The following ZBBX variants were observed in gnomAD, a reference collection of about 807,000 sequenced individuals.
The protein encoded by ZBBX is zinc finger B-box domain containing.
A neutral mutation model predicts 108.5 loss-of-function variants in ZBBX; 101 were observed. The ratio of observed to expected loss-of-function variants is 0.93; its 90% CI spans 0.79 to 1.10. The LOEUF (loss-of-function observed/expected upper bound fraction) is 1.10, where lower values mean the gene tolerates loss of function less well. Among genes scored for constraint, ZBBX ranks in the 50% least tolerant of loss-of-function variants. The pLI is 0.00. For synonymous variants in ZBBX, 356 were observed against 323.4 expected (o/e 1.10, Z -1.08); for missense variants, 1,009 against 941.4 (o/e 1.07, Z -0.94).
chr3:167,405,843 G>T (rs893147778), intron 1 of ZBBX, among the ~76,000 whole-genome samples: 8 of 152,146 alleles, frequency 5.3e-5, no homozygotes, highest in Admixed American at 2.0e-4. Context: ...AGGCTGAGGG[G>T]TGGATCACTT....
chr3:167,295,760 A>T (rs5010280), intron 18 of ZBBX, among the ~76,000 whole-genome samples: 2,943 of 6,034 alleles, frequency 0.49, 422 homozygotes, highest in Middle Eastern at 0.62. Context: ...TATATATATA[A>T]AAAAAACTAG....
chr3:167,205,289 G>A, the ZBBX span, among the ~76,000 whole-genome samples: 38 of 152,148 alleles, frequency 2.5e-4, no homozygotes, highest in African/African-American at 9.1e-4. Flanking sequence ...GAGGAGGAAG[G>A]AGGAATTACT....
Position 167,314,005 on chromosome 3 carries a change from G to A in ZBBX, c.1386C>T (p.Asn462=), listed in dbSNP as rs1735026350. Residue 462 remains asparagine (N), a synonymous_variant, in exon 16 of 22, where the codon AAC becomes AAT. Transcript: ENST00000675490. ...AATTATCTTTATAATAAGTAGAGCT[G>A]TTTCTCAGACAAAGATTTAAGAAGT... is the stretch of plus-strand genomic sequence containing the variant. ...KRDFLNLCLR[N]SSTYYKDNSK... 6.2e-7 allele frequency: 1 copy of A among 1,603,234 alleles called. No homozygotes were observed. Among genetic ancestry groups the A allele is most frequent in the South Asian group, 1.1e-5 (1 of 88,590 alleles).
At chr3:167,233,932 C>G in the ZBBX span, among the ~76,000 whole-genome samples, 2 of 151,672 alleles carry the variant, frequency 1.3e-5, no homozygotes, top group African/African-American at 4.8e-5. Context: ...AGATCTCAAA[C>G]TGTTATGGTA....
chr3:167,307,649 A>G (rs186555652), intron 16 of ZBBX, among the ~76,000 whole-genome samples: 1 of 152,266 alleles, frequency 6.6e-6, no homozygotes, highest in African/African-American at 2.4e-5. Flanking sequence ...GAAAACCCAG[A>G]AAATAGACCA....
chr3:167,397,824 T>C (rs544615747), intron 1 of ZBBX, among the ~76,000 whole-genome samples: 4 of 150,806 alleles, frequency 2.7e-5, no homozygotes, highest in African/African-American at 7.3e-5. Context: ...AAAACTCATA[T>C]GATTTTCAAA....
At chr3:167,407,718 G>A (rs1201714664) in intron 1 of ZBBX, among the ~76,000 whole-genome samples, 1 of 152,124 alleles carries the variant, frequency 6.6e-6, no homozygotes, top group East Asian at 1.9e-4. Context: ...CTTCATTTTT[G>A]TCTTTACCTT....
chr3:167,287,180 A>G (rs1369514431), intron 19 of ZBBX, among the ~76,000 whole-genome samples: 2 of 152,080 alleles, frequency 1.3e-5, no homozygotes, highest in Non-Finnish European at 2.9e-5. Context: ...TTAATTACCT[A>G]TTAAGGTCCA....
chr3:167,188,156 C>T, the ZBBX span, among the ~76,000 whole-genome samples: 9 of 152,102 alleles, frequency 5.9e-5, no homozygotes, highest in African/African-American at 2.2e-4. Flanking sequence ...GGAAGGAAAA[C>T]ATGGGGAAAG....
chr3:167,272,646 A>G (rs2108478955), intron 20 of ZBBX, among the ~76,000 whole-genome samples: 1 of 152,294 alleles, frequency 6.6e-6, no homozygotes. Flanking sequence ...TAACTAAATC[A>G]AACACACCCC....
Position 167,239,978 on chromosome 3 carries a change from G to T in ZBBX, c.*815C>A, listed in dbSNP as rs1720414397. On this transcript the variant is annotated 3_prime_UTR_variant, in exon 22 of 22. Coordinates refer to ENST00000675490, the MANE Select transcript of ZBBX (RefSeq NM_001199201.2). ...GCAAAGAGAAGTCCTGAGCAAAAGG[G>T]GGGACAGCCCCTTATAAAACCATCA... is the stretch of plus-strand genomic sequence containing the variant. Among the ~76,000 whole-genome samples, 1 of 152,032 alleles carries T rather than the reference G, an allele frequency of 6.6e-6. No homozygotes were observed. The highest frequency in any genetic ancestry group is 2.1e-4 in the South Asian group (1 of 4,830).
intron 9 of ZBBX, among the ~76,000 whole-genome samples, chr3:167,336,931 T>C (rs1324818858): frequency 6.6e-6 from 1 of 152,208 alleles, no homozygotes; most frequent in African/African-American, 2.4e-5. Flanking sequence ...TGGAGGTTCC[T>C]CCTATTTTCA....
intron 20 of ZBBX, among the ~76,000 whole-genome samples, chr3:167,279,045 C>T (rs1231308401): frequency 6.6e-6 from 1 of 151,698 alleles, no homozygotes; most frequent in Non-Finnish European, 1.5e-5. Flanking sequence ...TGACAAAATC[C>T]AACAACCCTT....
intron 10 of ZBBX, among the ~76,000 whole-genome samples, chr3:167,330,580 G>C (rs1456578192): frequency 6.6e-6 from 1 of 151,866 alleles, no homozygotes; most frequent in African/African-American, 2.4e-5. Context: ...TAATCTAATA[G>C]GATTGGTATC....
rs541884378 is a variant in ZBBX, at chr3:167,337,166, C to A, written c.529-3181G>T. On this transcript the variant is annotated intron_variant, in intron 9 of 21. Coordinates refer to ENST00000675490, the MANE Select transcript of ZBBX (RefSeq NM_001199201.2). The stretch of plus-strand genomic sequence containing the variant: ...ATAACATAGATTAAAATTCGAAGTT[C>A]ATTTATTGCCAAAGAATCAATATAA... Among the ~76,000 whole-genome samples, 65 of 152,176 alleles carry A rather than the reference C, an allele frequency of 4.3e-4. No individual in the cohort carries two copies. The Middle Eastern group carries it at 0.017, about 40-fold the overall frequency.
chr3:167,391,306 G>A (rs1405862106), intron 1 of ZBBX, among the ~76,000 whole-genome samples: 1 of 148,804 alleles, frequency 6.7e-6, no homozygotes, highest in African/African-American at 2.5e-5. Context: ...TATATATGTT[G>A]ACCCAGTCTT....
intron 18 of ZBBX, among the ~76,000 whole-genome samples, chr3:167,295,597 A>G (rs1258932323): frequency 6.6e-6 from 1 of 151,122 alleles, no homozygotes; most frequent in Non-Finnish European, 1.5e-5. Flanking sequence ...TGATGGATGC[A>G]GCAAACCACC....
chr3:167,372,445 T>A (rs1746302847), intron 4 of ZBBX, among the ~76,000 whole-genome samples: 2 of 152,166 alleles, frequency 1.3e-5, no homozygotes, highest in South Asian at 2.1e-4. Context: ...CAATTCAACA[T>A]AACATCCTTT....
At chr3:167,393,212 T>A (rs1748131022) in intron 1 of ZBBX, among the ~76,000 whole-genome samples, 1 of 151,804 alleles carries the variant, frequency 6.6e-6, no homozygotes, top group South Asian at 2.1e-4. Context: ...CAGTGAAATT[T>A]GAGTGACATA....
Sources: allele counts gnomAD v4.1 joint callset (sites outside exome capture counted in the v4.1 genomes callset), GRCh38; gene constraint gnomAD v4.1.1; transcripts MANE v1.5; gene names NCBI Gene and HGNC (gene_info 2026-07-23, HGNC 2026-07-21).